The following GALNT15 variants were observed in gnomAD, a reference collection of about 807,000 sequenced individuals.
GALNT15 encodes UDP-GalNAc transferase T15.
A neutral mutation model predicts 66.8 loss-of-function variants in GALNT15; 67 were observed. That is an observed-to-expected ratio of 1.00 (90% confidence interval 0.82 to 1.23). The LOEUF is 1.23. Among genes scored for constraint, GALNT15 ranks in the 50% most tolerant of loss-of-function variants. The probability of loss-of-function intolerance (pLI) is 0.00; values close to 1 mark genes in which losing one functional copy is unlikely to be tolerated. For missense variants in GALNT15, 827 were observed against 804.3 expected, an observed-to-expected ratio of 1.03 and a Z score of -0.34; for synonymous variants, 313 against 311.5, an observed-to-expected ratio of 1.00 and a Z score of -0.05.
At chr3:16,199,960 G>A (rs980220880) in intron 2 of GALNT15, among the ~76,000 whole-genome samples, 2 of 152,186 alleles carry the variant, frequency 1.3e-5, no homozygotes, top group Non-Finnish European at 2.9e-5. Flanking sequence ...ATATTAGTCT[G>A]TTCTCACACT....
At position 16,228,318 on chromosome 3, in the gene GALNT15, C is replaced by A. The variant is rs555010357; in HGVS notation, c.*818C>A. On this transcript the variant is annotated 3_prime_UTR_variant, in exon 10 of 10. Coordinates refer to ENST00000339732, the MANE Select transcript of GALNT15 (RefSeq NM_054110.5). ...GTTAGAAGTACCAGCACAATTTGAG[C>A]ATTCCCATTAACAAAGGTGTTCACA... The A allele has an allele frequency of 1.0e-6, 1 of 985,824 alleles. No homozygotes were observed. Among genetic ancestry groups the A allele is most frequent in the East Asian group, 1.1e-4 (1 of 8,810 alleles). 61.1% of individuals were successfully genotyped at this position (985,824 alleles called of 1,614,324 possible). A position where few individuals can be genotyped will look rare whatever the true frequency, so the allele number is the denominator to read the frequency against.
At chr3:16,221,013 G>T (rs1390088479) in intron 8 of GALNT15, among the ~76,000 whole-genome samples, 2 of 152,292 alleles carry the variant, frequency 1.3e-5, no homozygotes, top group South Asian at 2.1e-4. Flanking sequence ...CACATGGTAG[G>T]GTGAAAATTG....
chr3:16,224,148 C>G lies in GALNT15; in HGVS notation c.1773+1390C>G, dbSNP rs73138529. On this transcript the variant is annotated intron_variant, in intron 9 of 9. Coordinates refer to ENST00000339732, the MANE Select transcript of GALNT15 (RefSeq NM_054110.5). The surrounding 1 kb of genome is among the most constrained non-coding windows in gnomAD (Gnocchi z 5.2). Reference sequence around the variant, plus strand: ...GAGTAAAAGATTAGGGAGTAAGATACACCCAGCATATTTCAGGCATTAATA... The same window carrying G: ...GAGTAAAAGATTAGGGAGTAAGATAGACCCAGCATATTTCAGGCATTAATA... Among the ~76,000 whole-genome samples the G allele has an allele frequency of 0.037, 5,677 of 152,200 alleles. 165 individuals are homozygous for G. Among genetic ancestry groups the G allele is most frequent in the African/African-American group, 0.077 (3,207 of 41,508 alleles).
Position 16,182,358 on chromosome 3 carries a change from T to A in GALNT15, c.539+6668T>A, listed in dbSNP as rs1322861076. On this transcript the variant is annotated intron_variant, in intron 1 of 9. Transcript: ENST00000339732. This position sits in a 1 kb window ranked among gnomAD's most constrained non-coding sequence, Gnocchi z 6.1. The stretch of plus-strand genomic sequence containing the variant: ...AAGGCTCCAAAGCAGACCAAGTAAA[T>A]GTGATTCACAGGAACTCACTCTCTA... 2.0e-5 allele frequency among the ~76,000 whole-genome samples: 3 copies of A among 152,176 alleles called. No homozygotes were observed. The highest frequency in any genetic ancestry group is 2.9e-5 in the Non-Finnish European group (2 of 68,034).
rs564668740 is a variant in GALNT15, at chr3:16,200,911, T to C, written c.911+88T>C. 30 of 982,648 alleles carry C rather than the reference T, an allele frequency of 3.1e-5. No individual in the cohort carries two copies. In the African/African-American group the frequency reaches 4.6e-4, roughly 15 times the overall value. 60.9% of individuals were successfully genotyped at this position (982,648 alleles called of 1,614,324 possible). A position where few individuals can be genotyped will look rare whatever the true frequency, so the allele number is the denominator to read the frequency against. ...AGCCACTCACAGAGCAACCCACCTA[T>C]TAATTCCTGAATCTCCATTAGAGAG... On this transcript the variant is annotated intron_variant, in intron 3 of 9. Transcript: ENST00000339732. This position sits in a 1 kb window ranked among gnomAD's most constrained non-coding sequence, Gnocchi z 4.4.
intron 8 of GALNT15, among the ~76,000 whole-genome samples, chr3:16,221,207 G>A (rs1438482257): frequency 6.8e-6 from 1 of 146,646 alleles, no homozygotes; most frequent in Non-Finnish European, 1.5e-5. Context: ...AGAAACAAAA[G>A]AACAATACAG....
In GALNT15 at chr3:16,184,517, C is replaced by A. The variant is rs976915397; in HGVS notation, c.539+8827C>A. Among the ~76,000 whole-genome samples the A allele has an allele frequency of 6.6e-5, 10 of 152,226 alleles. No homozygotes were observed. Among genetic ancestry groups the A allele is most frequent in the Admixed American group, 6.5e-4 (10 of 15,286 alleles). ...CCTGCACTCTCTCTCTGGGCTGTGT[C>A]CTACCCACCCTTCAGGTCTTGGCTT... On this transcript the variant is annotated intron_variant, in intron 1 of 9. Transcript: ENST00000339732. This position sits in a 1 kb window ranked among gnomAD's most constrained non-coding sequence, Gnocchi z 5.0.
chr3:16,207,401 A>T (rs1179296921), intron 3 of GALNT15, among the ~76,000 whole-genome samples: 1 of 149,308 alleles, frequency 6.7e-6, no homozygotes, highest in African/African-American at 2.5e-5. Context: ...GGCTAGGTGG[A>T]TAGCAGCTCC....
chr3:16,237,511 C>T, the GALNT15 span, among the ~76,000 whole-genome samples: 1 of 152,242 alleles, frequency 6.6e-6, no homozygotes, highest in Non-Finnish European at 1.5e-5. The surrounding 1 kb of genome is among the most constrained non-coding windows in gnomAD (Gnocchi z 4.2). Flanking sequence ...TTCTGTTGCT[C>T]TACTGGCCGT....
At chr3:16,212,911 C>T (rs578163194) in intron 6 of GALNT15, 148 bp downstream of exon 6, 9 of 671,380 alleles carry the variant, frequency 1.3e-5, no homozygotes, top group African/African-American at 7.3e-5. Flanking sequence ...TTAAGTGGCT[C>T]CTCCACCTGG....
rs1371570961 is a variant in GALNT15 at position 16,204,874 on chromosome 3, T to G, written c.912-3629T>G. Among the ~76,000 whole-genome samples the G allele has an allele frequency of 4.6e-5, 7 of 152,144 alleles. No individual in the cohort carries two copies. The highest frequency in any genetic ancestry group is 1.5e-5 in the Non-Finnish European group (1 of 68,008). Reference sequence around the variant, plus strand: ...GATGGAAAGCAGTGTAAGAACCCCTTGTGCTTGTGCATGTGAGTCAGTGTG... The same window carrying G: ...GATGGAAAGCAGTGTAAGAACCCCTGGTGCTTGTGCATGTGAGTCAGTGTG... On this transcript the variant is annotated intron_variant, in intron 3 of 9. Coordinates refer to ENST00000339732, the MANE Select transcript of GALNT15 (RefSeq NM_054110.5). The surrounding 1 kb of genome is among the most constrained non-coding windows in gnomAD (Gnocchi z 4.5).
At chr3:16,232,074 T>G (rs533982480), downstream of GALNT15, 9 of 952,732 alleles carry the variant, frequency 9.4e-6, no homozygotes, top group Middle Eastern at 3.7e-4. Context: ...AGCACCTCAT[T>G]AGATTATCCA....
rs940791734 is a variant in GALNT15 at position 16,188,663 on chromosome 3, G to A, written c.540-7097G>A. Among the ~76,000 whole-genome samples the A allele has an allele frequency of 4.6e-5, 7 of 152,160 alleles. No homozygotes were observed. The highest frequency in any genetic ancestry group is 1.0e-4 in the Non-Finnish European group (7 of 68,030). ...CAGGACCTTTCAAAGATCTTTGTTG[G>A]CTGGACCTTAGCCAGCTTCCTAGGT... On this transcript the variant is annotated intron_variant, in intron 1 of 9. Coordinates refer to ENST00000339732, the MANE Select transcript of GALNT15 (RefSeq NM_054110.5). The surrounding 1 kb of genome is among the most constrained non-coding windows in gnomAD (Gnocchi z 4.6).
rs1342944380 is a variant in GALNT15, at chr3:16,225,693, A to AAAAT, written c.1774-1645_1774-1642dup. Among the ~76,000 whole-genome samples the AAAAT allele has an allele frequency of 1.1e-4, 17 of 150,668 alleles. No homozygotes were observed. The South Asian group carries it at 2.1e-3, about 19-fold the overall frequency. The stretch of plus-strand genomic sequence containing the variant: ...CTGGGTGACAGAGAGAGACTGTCTC[A>AAAAT]AAATAAATAAATAAATAAAAGAAAA... On this transcript the variant is annotated intron_variant, in intron 9 of 9. Coordinates refer to ENST00000339732, the MANE Select transcript of GALNT15 (RefSeq NM_054110.5). This position sits in a 1 kb window ranked among gnomAD's most constrained non-coding sequence, Gnocchi z 4.4.
In GALNT15 at chr3:16,191,930, T is replaced by G. The variant is rs1196169637; in HGVS notation, c.540-3830T>G. 6.6e-6 allele frequency among the ~76,000 whole-genome samples: 1 copy of G among 152,258 alleles called. No homozygotes were observed. The highest frequency in any genetic ancestry group is 2.1e-4 in the South Asian group (1 of 4,834). ...AAGATGATCATAAATATAACATTCA[T>G]ACTAATTACATTGTGTCTTTTTGGA... On this transcript the variant is annotated intron_variant, in intron 1 of 9. Transcript: ENST00000339732. This position sits in a 1 kb window ranked among gnomAD's most constrained non-coding sequence, Gnocchi z 5.2.
At position 16,229,654 on chromosome 3, in the gene GALNT15, G is replaced by C. The variant is rs1446958641; in HGVS notation, c.*2154G>C. ...AGAAAAAAAATTTTTCAAGACCTCT[G>C]TTTTTTAACTGAACTTTATCATTGG... On this transcript the variant is annotated 3_prime_UTR_variant, in exon 10 of 10. Coordinates refer to ENST00000339732, the MANE Select transcript of GALNT15 (RefSeq NM_054110.5). 4 of 984,878 alleles carry C rather than the reference G, an allele frequency of 4.1e-6. No individual in the cohort carries two copies. Among genetic ancestry groups the C allele is most frequent in the Non-Finnish European group, 3.6e-6 (3 of 829,548 alleles). 61.0% of individuals were successfully genotyped at this position (984,878 alleles called of 1,614,324 possible). A position where few individuals can be genotyped will look rare whatever the true frequency, so the allele number is the denominator to read the frequency against.
chr3:16,207,773 T>C (rs906353619), intron 3 of GALNT15, among the ~76,000 whole-genome samples: 1 of 152,110 alleles, frequency 6.6e-6, no homozygotes, highest in Non-Finnish European at 1.5e-5. Context: ...GTGCACAATA[T>C]TTTTTATATG....
chr3:16,203,568 CACACACACACACACACACACAG>C lies in GALNT15; in HGVS notation c.911+2746_911+2767del, dbSNP rs1209448494. On this transcript the variant is annotated intron_variant, in intron 3 of 9. Transcript: ENST00000339732. This position sits in a 1 kb window ranked among gnomAD's most constrained non-coding sequence, Gnocchi z 6.2. ...TCACACACACACACACACACACACA[CACACACACACACACACACACAG>C]TGGGCCTCTGATCCTGGTGTGTTAC... is the stretch of plus-strand genomic sequence containing the variant. Among the ~76,000 whole-genome samples, 10 of 149,862 alleles carry C rather than the reference CACACACACACACACACACACAG, an allele frequency of 6.7e-5. No individual in the cohort carries two copies. The highest frequency in any genetic ancestry group is 2.0e-4 in the Admixed American group (3 of 15,030).
At chr3:16,213,869 C>T (rs4685321) in intron 6 of GALNT15, among the ~76,000 whole-genome samples, 66,942 of 152,138 alleles carry the variant, frequency 0.44, 15,509 homozygotes, top group East Asian at 0.57. Flanking sequence ...GTCCTCAGGG[C>T]GCTGCCTCCT....
Sources: allele counts gnomAD v4.1 joint callset (sites outside exome capture counted in the v4.1 genomes callset), GRCh38; gene constraint gnomAD v4.1.1; non-coding constraint Gnocchi (gnomAD v3.1); transcripts MANE v1.5; gene names NCBI Gene and HGNC (gene_info 2026-07-23, HGNC 2026-07-21).